The following SYNE1 variants were observed in gnomAD, a reference collection of about 807,000 sequenced individuals.
SYNE1 encodes nesprin-1.
In SYNE1, 616 loss-of-function variants were observed where a neutral mutation model predicts 1,111.0. The observed-to-expected ratio is 0.55, with a 90% CI of 0.52 to 0.59. The LOEUF (loss-of-function observed/expected upper bound fraction) is 0.59, where lower values mean the gene tolerates loss of function less well. Ranked by LOEUF, SYNE1 falls within the 20% of genes least tolerant of loss-of-function variation. The pLI is 0.00. For missense variants in SYNE1, 10,006 were observed against 10,417.0 expected (o/e 0.96, Z 1.72); for synonymous variants, 3,855 against 3,825.8 (o/e 1.01, Z -0.28).
In SYNE1 at chr6:152,453,686, T is replaced by A; in HGVS notation, c.2927A>T (p.Asn976Ile). ...TTCATCACAAGCTTTCAGGAAAGCATTGAGCACCCTCTGATCCAGCTGACT... is the reference window on the plus strand; with the variant it reads ...TTCATCACAAGCTTTCAGGAAAGCAATGAGCACCCTCTGATCCAGCTGACT... ...FFSQLDQRVL[N>I]AFLKACDELT... The change falls in exon 25 of 146, where the codon AAT becomes ATT. Residue 976 changes from asparagine to isoleucine, a missense_variant. By Grantham distance (149) the Asn-to-Ile change is moderately radical. This residue lies in a region of SYNE1 where 1,971 missense variants were observed against 2,084.1 expected (regional missense o/e 0.95). Transcript: ENST00000367255. The A allele has an allele frequency of 6.2e-7, 1 of 1,614,158 alleles. No individual in the cohort carries two copies. The highest frequency in any genetic ancestry group is 1.3e-5 in the African/African-American group (1 of 75,048).
chr6:152,451,295 C>T, intron 25 of SYNE1, 90 bp from the exon 26 acceptor site: 1 of 1,349,430 alleles, frequency 7.4e-7, no homozygotes, highest in East Asian at 2.3e-5. Context: ...AAACAAAAAC[C>T]ATAACATATT....
At chr6:152,478,775 C>A (rs184544535) in intron 14 of SYNE1, 1 of 152,154 alleles carries the variant, frequency 6.6e-6, no homozygotes, top group African/African-American at 2.4e-5. Context: ...TGCCAGGCAC[C>A]ATTAAGGGCC....
At position 152,329,730 on chromosome 6, in the gene SYNE1, C is replaced by A. The variant is rs890021376; in HGVS notation, c.14955G>T (p.Gln4985His). The A allele has an allele frequency of 6.2e-7, 1 of 1,614,174 alleles. No homozygotes were observed. Among genetic ancestry groups the A allele is most frequent in the Non-Finnish European group, 8.5e-7 (1 of 1,180,042 alleles). The change falls in exon 78 of 146, where the codon CAG (glutamine) becomes CAT (histidine). Residue 4985 changes from glutamine (Q) to histidine (H), a missense_variant and splice_region_variant. Gln to His is a conservative substitution (Grantham distance 24). Around this residue, in one of 7 missense-constraint regions of SYNE1, gnomAD observed 4,955 missense variants for 5,017.2 expected, o/e 0.99. Coordinates refer to ENST00000367255, the MANE Select transcript of SYNE1 (RefSeq NM_182961.4). ...AGAAGTGAAGTCCTATTATACCCAC[C>A]TGTCTGGTGCGTAAGGCTTCCTGGA... ...GDIQEALRTR[Q>H]ATLTEIYSQC...
In SYNE1 at chr6:152,330,258, C is replaced by T; in HGVS notation, c.14427G>A (p.Leu4809=). 6.2e-7 allele frequency: 1 copy of T among 1,614,202 alleles called. No individual in the cohort carries two copies. The highest frequency in any genetic ancestry group is 1.3e-5 in the African/African-American group (1 of 75,046). The change falls in exon 78 of 146, where the codon CTG becomes CTA. Residue 4809 remains leucine, a synonymous_variant. Transcript: ENST00000367255. ...ACATTTTGAGCTTCTCCTCTGCAGG[C>T]AGCGTTTCCTCATTCACTTTGGACT... ...EEQSKVNEET[L]PAEEKLKMYH...
Position 152,619,221 on chromosome 6 carries a change from C to T in SYNE1, c.67+9044G>A, listed in dbSNP as rs114723468. Among the ~76,000 whole-genome samples, 4 of 152,136 alleles carry T rather than the reference C, an allele frequency of 2.6e-5. No individual in the cohort carries two copies. In the South Asian group the frequency reaches 8.3e-4, roughly 31 times the overall value. ...AGTCTGGTTCCCCCCTTTATAAGTA[C>T]ATATTACCTTAAATTATACATTCAT... On this transcript the variant is annotated intron_variant, in intron 3 of 145. Coordinates refer to ENST00000367255, the MANE Select transcript of SYNE1 (RefSeq NM_182961.4).
At chr6:152,511,701 G>T in intron 6 of SYNE1, 1 of 1,119,812 alleles carries the variant, frequency 8.9e-7, no homozygotes, top group South Asian at 1.3e-5. Context: ...TTTAGAACCT[G>T]ACTGTGGTAA....
chr6:152,303,344 A>C (rs1292376799), intron 91 of SYNE1, among the ~76,000 whole-genome samples: 8 of 151,204 alleles, frequency 5.3e-5, no homozygotes, highest in African/African-American at 1.9e-4. Flanking sequence ...TGGAGGTTGC[A>C]GTGAGCCAAG....
At chr6:152,408,687 C>A in intron 44 of SYNE1, among the ~76,000 whole-genome samples, 1 of 152,282 alleles carries the variant, frequency 6.6e-6, no homozygotes, top group East Asian at 1.9e-4. Context: ...GGTGCGGTGG[C>A]TCACAAATGT....
At chr6:152,285,828 T>C (rs990012059) in intron 95 of SYNE1, among the ~76,000 whole-genome samples, 14 of 152,222 alleles carry the variant, frequency 9.2e-5, no homozygotes, top group African/African-American at 3.4e-4. Context: ...TTATTTCTCT[T>C]TTTTGGAGTA....
Position 152,367,306 on chromosome 6 carries a change from C to T in SYNE1, c.9884G>A (p.Trp3295Ter). Residue 3295 changes from tryptophan (W) to a stop codon, truncating the protein, a stop_gained, in exon 62 of 146, where the codon TGG (tryptophan) becomes TAG (stop). Coordinates refer to ENST00000367255, the MANE Select transcript of SYNE1 (RefSeq NM_182961.4). LOFTEE classifies it high-confidence loss of function. Reference protein sequence around the residue: ...FSLGIKELQDWMTDAIHMLDS... With the variant: ...FSLGIKELQD ...CAGCATGTGAATCGCATCCGTCATC[C>T]AGTCTTGTAATTCTTTAATCCCAAG... is the stretch of plus-strand genomic sequence containing the variant. The T allele has an allele frequency of 1.2e-6, 2 of 1,614,184 alleles. No homozygotes were observed. Among genetic ancestry groups the T allele is most frequent in the Admixed American group, 1.7e-5 (1 of 60,028 alleles).
chr6:152,525,787 T>C (rs2099160900), intron 5 of SYNE1, among the ~76,000 whole-genome samples: 1 of 152,230 alleles, frequency 6.6e-6, no homozygotes, highest in African/African-American at 2.4e-5. Context: ...GTATACCGTA[T>C]AGATACAATG....
chr6:152,542,612 G>T (rs539728395), intron 3 of SYNE1, among the ~76,000 whole-genome samples: 21 of 152,004 alleles, frequency 1.4e-4, no homozygotes, highest in African/African-American at 4.6e-4. Flanking sequence ...AACTACCAAG[G>T]TCATCCAGCA....
chr6:152,520,520 A>C lies in SYNE1; in HGVS notation c.248T>G (p.Met83Arg). The C allele has an allele frequency of 1.2e-6, 2 of 1,613,728 alleles. No homozygotes were observed. Among genetic ancestry groups the C allele is most frequent in the Non-Finnish European group, 1.7e-6 (2 of 1,179,736 alleles). ...GTTAGCCACAGCATGGATTCGCTTC[A>C]TCCGGCGTCCTTGTTCACAAGGCTG... Reference protein sequence around the residue: ...QKLPCEQGRRMKRIHAVANIG... With the variant: ...QKLPCEQGRRRKRIHAVANIG... The change falls in exon 6 of 146, where the codon ATG becomes AGG. Residue 83 changes from methionine (M) to arginine (R), a missense_variant. By Grantham distance (91) the Met-to-Arg change is moderately conservative. Coordinates refer to ENST00000367255, the MANE Select transcript of SYNE1 (RefSeq NM_182961.4).
rs1209233672 is a variant in SYNE1 at position 152,325,945 on chromosome 6, C to G, written c.15438+13G>C. 1.2e-6 allele frequency: 2 copies of G among 1,613,914 alleles called. No homozygotes were observed. Among genetic ancestry groups the G allele is most frequent in the Admixed American group, 1.7e-5 (1 of 60,006 alleles). ...AGAAAAAGGATTTTTTTTAAATGGC[C>G]CAAAACTCTGACCTTGTGTTCTGAC... is the stretch of plus-strand genomic sequence containing the variant. On this transcript the variant is annotated intron_variant, in intron 80 of 145. Coordinates refer to ENST00000367255, the MANE Select transcript of SYNE1 (RefSeq NM_182961.4).
Position 152,331,846 on chromosome 6 carries a change from T to C in SYNE1, c.12839A>G (p.Lys4280Arg). The C allele has an allele frequency of 6.2e-7, 1 of 1,613,766 alleles. No individual in the cohort carries two copies. Among genetic ancestry groups the C allele is most frequent in the Non-Finnish European group, 8.5e-7 (1 of 1,180,042 alleles). Residue 4280 changes from lysine (K) to arginine (R), a missense_variant, in exon 78 of 146, where the codon AAG becomes AGG. By Grantham distance (26) the Lys-to-Arg change is conservative (BLOSUM62 2). Transcript: ENST00000367255. Reference sequence around the variant, plus strand: ...TCTCTCCTGCAATGCCAATGCTAACTTTTTCAAAGCTTCCAGGTGGACAGC... The same window carrying C: ...TCTCTCCTGCAATGCCAATGCTAACCTTTTCAAAGCTTCCAGGTGGACAGC... ...STAVHLEALK[K>R]LALALQERKY...
rs2092979615 is a variant in SYNE1, at chr6:152,269,076, G to A, written c.18705+79C>T. ...TCTGTCTTTAGTACAGAAGCAACTT[G>A]TCTGTCCTTCTGAAATATGCCTCTC... On this transcript the variant is annotated intron_variant, in intron 99 of 145. Transcript: ENST00000367255. The A allele has an allele frequency of 1.9e-6, 3 of 1,599,956 alleles. No homozygotes were observed. In the African/African-American group the frequency reaches 4.0e-5, roughly 21 times the overall value.
chr6:152,563,942 T>C (rs988477751), intron 3 of SYNE1, among the ~76,000 whole-genome samples: 4 of 146,666 alleles, frequency 2.7e-5, no homozygotes, highest in Non-Finnish European at 4.4e-5. Context: ...AATCACACCA[T>C]TTTTTTGAAA....
chr6:152,456,806 C>T (rs374774851), intron 22 of SYNE1: 46 of 415,458 alleles, frequency 1.1e-4, no homozygotes, highest in South Asian at 6.1e-4. Flanking sequence ...TCCTCAACTG[C>T]GTTAGAAAAA....
chr6:152,170,931 G>A (rs1308437274), intron 130 of SYNE1, among the ~76,000 whole-genome samples: 2 of 152,136 alleles, frequency 1.3e-5, no homozygotes, highest in African/African-American at 4.8e-5. Context: ...TGTTCTTGTG[G>A]TAGCGAATAA....
Sources: gnomAD v4.1 joint callset for allele counts (sites outside exome capture counted in the v4.1 genomes callset) on GRCh38, gnomAD v4.1.1 for gene constraint, gnomAD v4.1.1 regional missense constraint, MANE v1.5 for transcripts, NCBI Gene and HGNC (gene_info 2026-07-23, HGNC 2026-07-21) for gene names.